STXBP5L: variants seen among roughly 807,000 people sequenced by gnomAD.
STXBP5L encodes syntaxin-binding protein 5-like.
Under a neutral mutation model 144.5 loss-of-function variants are expected in STXBP5L, and 65 were observed. The ratio of observed to expected loss-of-function variants is 0.45; its 90% CI spans 0.37 to 0.55. The LOEUF (loss-of-function observed/expected upper bound fraction) is 0.55. Among genes scored for constraint, STXBP5L ranks in the 20% least tolerant of loss-of-function variants. The probability of loss-of-function intolerance (pLI) is 0.00; values close to 1 mark genes in which losing one functional copy is unlikely to be tolerated. For missense variants in STXBP5L, 1,298 were observed against 1,405.5 expected (o/e 0.92, Z 1.22); for synonymous variants, 505 against 469.6 (o/e 1.08, Z -0.97).
At chr3:121,374,415 A>T (rs2046122553) in intron 20 of STXBP5L, among the ~76,000 whole-genome samples, 1 of 152,342 alleles carries the variant, frequency 6.6e-6, no homozygotes, top group South Asian at 2.1e-4. Context: ...AGAAAACATG[A>T]TACCTCCAAA....
chr3:121,050,919 A>G (rs1576782065), intron 5 of STXBP5L, among the ~76,000 whole-genome samples: 1 of 152,090 alleles, frequency 6.6e-6, no homozygotes, highest in Admixed American at 6.6e-5. Context: ...AACAAAAAAA[A>G]GCAGGGGTTG....
At chr3:121,017,980 G>C (rs1247658505) in intron 3 of STXBP5L, among the ~76,000 whole-genome samples, 2 of 152,168 alleles carry the variant, frequency 1.3e-5, no homozygotes, top group African/African-American at 4.8e-5. Context: ...CCAGGAGGCT[G>C]AGTTGAGAGG....
intron 9 of STXBP5L, among the ~76,000 whole-genome samples, chr3:121,168,520 C>T (rs10049483): frequency 0.099 from 15,108 of 152,002 alleles, 1,177 homozygotes; most frequent in Admixed American, 0.2. Context: ...CTGAAAAACA[C>T]GACACGAGAA....
At chr3:120,982,121 C>A (rs914498280) in intron 3 of STXBP5L, among the ~76,000 whole-genome samples, 1 of 152,180 alleles carries the variant, frequency 6.6e-6, no homozygotes, top group Non-Finnish European at 1.5e-5. Flanking sequence ...TTGTGTTGTG[C>A]AGTTCAACCC....
intron 3 of STXBP5L, among the ~76,000 whole-genome samples, chr3:121,022,001 T>G (rs1208065318): frequency 6.6e-6 from 1 of 151,728 alleles, no homozygotes; most frequent in Admixed American, 6.6e-5. Flanking sequence ...AAAAGATAAA[T>G]AAAATTGATA....
At chr3:121,233,203 G>A (rs1159763608) in intron 11 of STXBP5L, among the ~76,000 whole-genome samples, 8 of 152,152 alleles carry the variant, frequency 5.3e-5, no homozygotes, top group Admixed American at 5.2e-4. Context: ...AGATGTGAAT[G>A]TATGTCATAT....
chr3:120,951,276 T>C (rs1165661288), intron 2 of STXBP5L, among the ~76,000 whole-genome samples: 4 of 152,010 alleles, frequency 2.6e-5, no homozygotes, highest in Admixed American at 6.6e-5. Context: ...CCAAAAGCAA[T>C]GGCAACAAAA....
chr3:121,369,283 A>G (rs1011355884), intron 20 of STXBP5L, among the ~76,000 whole-genome samples: 1 of 151,448 alleles, frequency 6.6e-6, no homozygotes, highest in Non-Finnish European at 1.5e-5. Flanking sequence ...CTGTCAGTGC[A>G]ATTGTTATCT....
At chr3:121,282,409 C>A in intron 19 of STXBP5L, 1 of 1,432,410 alleles carries the variant, frequency 7.0e-7, no homozygotes, top group Non-Finnish European at 9.7e-7. Flanking sequence ...TACATCAGTG[C>A]TCAGTAATGT....
chr3:121,081,049 T>G (rs2042228245), intron 5 of STXBP5L, among the ~76,000 whole-genome samples: 1 of 152,154 alleles, frequency 6.6e-6, no homozygotes, highest in Non-Finnish European at 1.5e-5. Flanking sequence ...GAGACTTTAT[T>G]TTTTTAATTC....
chr3:121,068,412 ATTTTACTTTCT>A (rs978610897), intron 5 of STXBP5L, among the ~76,000 whole-genome samples: 2 of 151,618 alleles, frequency 1.3e-5, no homozygotes, highest in African/African-American at 4.8e-5. Flanking sequence ...TTTCTTTTTT[ATTTTACTTTCT>A]TTTTACTTAA....
intron 18 of STXBP5L, among the ~76,000 whole-genome samples, chr3:121,264,013 A>G (rs536654772): frequency 6.6e-5 from 10 of 152,320 alleles, no homozygotes; most frequent in East Asian, 1.9e-4. Flanking sequence ...TACTTGTCAG[A>G]TTCACCAAGG....
At chr3:121,081,258 A>G (rs1293686678) in intron 5 of STXBP5L, among the ~76,000 whole-genome samples, 1 of 151,950 alleles carries the variant, frequency 6.6e-6, no homozygotes, top group Non-Finnish European at 1.5e-5. Context: ...CATATCCTGT[A>G]TTTTTAAAAA....
chr3:121,360,053 A>ATATAATATATATATTAT (rs2045664028), intron 20 of STXBP5L, among the ~76,000 whole-genome samples: 1 of 50,556 alleles, frequency 2.0e-5, no homozygotes, highest in African/African-American at 6.2e-5. Flanking sequence ...ATATATAGTA[A>ATATAATATATATATTAT]TAATATATAT....
At chr3:121,397,269 A>G (rs906771396) in intron 22 of STXBP5L, among the ~76,000 whole-genome samples, 5 of 152,244 alleles carry the variant, frequency 3.3e-5, no homozygotes, top group African/African-American at 1.2e-4. Context: ...TAGCAGGAGA[A>G]GGCAATCCTG....
intron 20 of STXBP5L, chr3:121,357,748 G>A (rs1233270004): frequency 1.3e-5 from 2 of 152,122 alleles, no homozygotes; most frequent in African/African-American, 4.8e-5. Flanking sequence ...TAACTATGAT[G>A]GTGATGGATA....
At position 121,122,740 on chromosome 3, in the gene STXBP5L, A is replaced by G. The variant is rs550412284; in HGVS notation, c.669+1036A>G. 1.6e-4 allele frequency among the ~76,000 whole-genome samples: 24 copies of G among 151,598 alleles called. No individual in the cohort carries two copies. The South Asian group carries it at 4.6e-3, about 29-fold the overall frequency. The stretch of plus-strand genomic sequence containing the variant: ...AATAAACATTAAAATTACAACTCAG[A>G]AAGTATTCAAAGATGCTTGTAGGAT... On this transcript the variant is annotated intron_variant, in intron 7 of 26. Coordinates refer to ENST00000471454, the MANE Select transcript of STXBP5L (RefSeq NM_001308330.2).
intron 3 of STXBP5L, among the ~76,000 whole-genome samples, chr3:120,991,404 A>G (rs1454936215): frequency 1.3e-5 from 2 of 151,950 alleles, no homozygotes; most frequent in African/African-American, 4.8e-5. Flanking sequence ...TAGTTCAACC[A>G]TTGTGGAAGT....
intron 9 of STXBP5L, among the ~76,000 whole-genome samples, chr3:121,183,410 A>T (rs1183195297): frequency 6.6e-6 from 1 of 152,208 alleles, no homozygotes; most frequent in Non-Finnish European, 1.5e-5. Context: ...ACTAATCCAG[A>T]AAGTTCCTAG....
Sources: gnomAD v4.1 joint callset for allele counts (sites outside exome capture counted in the v4.1 genomes callset) on GRCh38, gnomAD v4.1.1 for gene constraint, MANE v1.5 for transcripts, NCBI Gene and HGNC (gene_info 2026-07-23, HGNC 2026-07-21) for gene names.